The following IMMP2L variants were observed in gnomAD, a reference collection of about 807,000 sequenced individuals.
The protein encoded by IMMP2L is mitochondrial inner membrane protease subunit 2.
In IMMP2L, 18 loss-of-function variants were observed where a neutral mutation model predicts 19.3. The ratio of observed to expected loss-of-function variants is 0.93; its 90% CI spans 0.64 to 1.38. The LOEUF is 1.38. Among genes scored for constraint, IMMP2L ranks in the 40% most tolerant of loss-of-function variants. IMMP2L has a pLI of 0.00. For synonymous variants in IMMP2L, 76 were observed against 73.0 expected (o/e 1.04, Z -0.21); for missense variants, 233 against 218.2 (o/e 1.07, Z -0.43).
intron 3 of IMMP2L, among the ~76,000 whole-genome samples, chr7:111,041,631 C>T (rs1791909196): frequency 1.3e-5 from 2 of 151,700 alleles, no homozygotes; most frequent in African/African-American, 4.8e-5. Flanking sequence ...TTAAGTGTTA[C>T]TAGATCCCGG....
At chr7:110,990,160 TATAC>T (rs1373167858) in intron 3 of IMMP2L, among the ~76,000 whole-genome samples, 1 of 152,180 alleles carries the variant, frequency 6.6e-6, no homozygotes, top group African/African-American at 2.4e-5. Context: ...AATTTAATTA[TATAC>T]ATACTGTGAC....
intron 4 of IMMP2L, among the ~76,000 whole-genome samples, chr7:110,931,224 G>A (rs1309075575): frequency 2.0e-5 from 3 of 152,144 alleles, no homozygotes; most frequent in African/African-American, 7.2e-5. Flanking sequence ...ACAAAGGAGA[G>A]AATCAGAGAT....
intron 3 of IMMP2L, among the ~76,000 whole-genome samples, chr7:111,429,006 G>A (rs1017398171): frequency 6.6e-6 from 1 of 151,904 alleles, no homozygotes; most frequent in African/African-American, 2.4e-5. Context: ...GTGGATGGGA[G>A]GTGGGTGGAT....
intron 3 of IMMP2L, among the ~76,000 whole-genome samples, chr7:110,973,400 T>C (rs1346711423): frequency 6.6e-6 from 1 of 152,062 alleles, no homozygotes; most frequent in African/African-American, 2.4e-5. Context: ...ATCACAACCA[T>C]ATCTCAACCT....
intron 3 of IMMP2L, among the ~76,000 whole-genome samples, chr7:111,302,988 A>G (rs1822430729): frequency 6.6e-6 from 1 of 152,170 alleles, no homozygotes; most frequent in Non-Finnish European, 1.5e-5. Flanking sequence ...ACTAGCATCA[A>G]GACAGCACAT....
In IMMP2L at chr7:110,825,146, C is replaced by T. The variant is rs149417521; in HGVS notation, c.408+61447G>A. ...ACTTACAAGGGATGTGAAGGACCTC[C>T]TCAAGGAGAACTAAAAACCACTGCT... On this transcript the variant is annotated intron_variant, in intron 5 of 5. Transcript: ENST00000405709. Among the ~76,000 whole-genome samples the T allele has an allele frequency of 5.6e-3, 848 of 152,104 alleles. 13 individuals carry two copies. The highest frequency in any genetic ancestry group is 0.019 in the African/African-American group (799 of 41,500).
chr7:110,722,302 A>C (rs898883739), intron 5 of IMMP2L, among the ~76,000 whole-genome samples: 3 of 152,118 alleles, frequency 2.0e-5, no homozygotes, highest in Admixed American at 2.0e-4. Flanking sequence ...GAATTCATTA[A>C]GTAGTTAATA....
rs148386487 is a variant in IMMP2L at position 111,529,910 on chromosome 7, A to G, written c.-2-8461T>C. Among the ~76,000 whole-genome samples the G allele has an allele frequency of 2.8e-3, 431 of 152,338 alleles. 4 individuals carry two copies. Among genetic ancestry groups the G allele is most frequent in the Non-Finnish European group, 4.5e-3 (303 of 68,022 alleles). ...AGAGAGAAAATACAACCAGGAAACA[A>G]CTAGGATACAGAAATTCATAAAGGC... On this transcript the variant is annotated intron_variant, in intron 1 of 5. Transcript: ENST00000405709.
rs1487282333 is a variant in IMMP2L at position 111,238,685 on chromosome 7, T to C, written c.239+248553A>G. ...ATGCATGAGGATAGCTGTTATGACA[T>C]AAGCTGAAGTGAAAGCTGATCTAAC... On this transcript the variant is annotated intron_variant, in intron 3 of 5. Transcript: ENST00000405709. 5.0e-4 allele frequency among the ~76,000 whole-genome samples: 76 copies of C among 151,972 alleles called. 1 individual carries two copies. The highest frequency in any genetic ancestry group is 1.0e-4 in the Non-Finnish European group (7 of 67,914).
intron 3 of IMMP2L, among the ~76,000 whole-genome samples, chr7:111,009,122 T>C (rs1371891113): frequency 6.6e-6 from 1 of 152,108 alleles, no homozygotes; most frequent in African/African-American, 2.4e-5. Context: ...TTCTACTATG[T>C]GCTGCCATAA....
chr7:111,207,993 G>A (rs892791822), intron 3 of IMMP2L, among the ~76,000 whole-genome samples: 2 of 151,924 alleles, frequency 1.3e-5, no homozygotes, highest in Non-Finnish European at 2.9e-5. Flanking sequence ...TCACACATTT[G>A]TCTTCCTCCT....
chr7:110,817,211 C>T (rs1473822874), intron 5 of IMMP2L, among the ~76,000 whole-genome samples: 2 of 152,044 alleles, frequency 1.3e-5, no homozygotes, highest in African/African-American at 2.4e-5. Flanking sequence ...ATCCAGAAAA[C>T]CCCATTGTCT....
At chr7:110,970,501 G>A (rs1820035967) in intron 3 of IMMP2L, among the ~76,000 whole-genome samples, 1 of 152,066 alleles carries the variant, frequency 6.6e-6, no homozygotes, top group African/African-American at 2.4e-5. Context: ...GATCTATAAA[G>A]AAACTTCTGG....
intron 3 of IMMP2L, among the ~76,000 whole-genome samples, chr7:111,480,070 T>A (rs1842046257): frequency 6.6e-6 from 1 of 151,914 alleles, no homozygotes; most frequent in Non-Finnish European, 1.5e-5. Flanking sequence ...TTAAGGACTG[T>A]CTTAAGGATA....
intron 5 of IMMP2L, among the ~76,000 whole-genome samples, chr7:110,696,969 A>G (rs1485546692): frequency 6.6e-6 from 1 of 152,154 alleles, no homozygotes; most frequent in Non-Finnish European, 1.5e-5. Flanking sequence ...GAGAGATAAG[A>G]AGTGCAGGAG....
At chr7:110,681,703 C>T (rs571808296) in intron 5 of IMMP2L, among the ~76,000 whole-genome samples, 1 of 152,258 alleles carries the variant, frequency 6.6e-6, no homozygotes, top group South Asian at 2.1e-4. Context: ...CTGTGTGAGA[C>T]ACAGAATCAG....
chr7:111,515,716 C>G (rs1230768964), intron 2 of IMMP2L, among the ~76,000 whole-genome samples: 2 of 151,850 alleles, frequency 1.3e-5, no homozygotes, highest in Non-Finnish European at 2.9e-5. Flanking sequence ...TAGTCTAATC[C>G]CTTCTTATAA....
intron 3 of IMMP2L, among the ~76,000 whole-genome samples, chr7:111,078,290 C>T (rs1224274129): frequency 6.6e-6 from 1 of 152,188 alleles, no homozygotes; most frequent in East Asian, 1.9e-4. Flanking sequence ...GAGACTCATA[C>T]TTGCTGTGTG....
At chr7:111,191,656 T>G (rs1420029117) in intron 3 of IMMP2L, among the ~76,000 whole-genome samples, 1 of 152,032 alleles carries the variant, frequency 6.6e-6, no homozygotes, top group African/African-American at 2.4e-5. Flanking sequence ...GATTCTAGCA[T>G]TTTTTACTCT....
Sources: gnomAD v4.1 joint callset for allele counts (sites outside exome capture counted in the v4.1 genomes callset) on GRCh38, gnomAD v4.1.1 for gene constraint, MANE v1.5 for transcripts, NCBI Gene and HGNC (gene_info 2026-07-23, HGNC 2026-07-21) for gene names.